PIK3R4: variants seen among roughly 807,000 people sequenced by gnomAD.
PIK3R4 encodes phosphoinositide 3-kinase regulatory subunit 4.
PIK3R4 carries 46 observed loss-of-function variants against 136.5 expected under a neutral mutation model. That is an observed-to-expected ratio of 0.34 (90% CI 0.27 to 0.43). The LOEUF (loss-of-function observed/expected upper bound fraction) is 0.43. PIK3R4 is among the 20% of genes least tolerant of loss of function. The pLI is 1.00. For synonymous variants in PIK3R4, 557 were observed against 566.7 expected (o/e 0.98, Z 0.24); for missense variants, 1,331 against 1,649.5 (o/e 0.81, Z 3.35).
In PIK3R4 at chr3:130,716,425, C is replaced by T; in HGVS notation, c.2302G>A (p.Ala768Thr). 3.7e-6 allele frequency: 6 copies of T among 1,614,142 alleles called. No homozygotes were observed. Among genetic ancestry groups the T allele is most frequent in the Non-Finnish European group, 5.1e-6 (6 of 1,179,996 alleles). Residue 768 changes from alanine to threonine, a missense_variant, in exon 9 of 20, where the codon GCA (alanine) becomes ACA (threonine). Coordinates refer to ENST00000356763, the MANE Select transcript of PIK3R4 (RefSeq NM_014602.3). Reference sequence around the variant, plus strand: ...GAGAGCAACTTCTTCAGAAGCTGTGCTATGGCAGGATCCTCTGGCGGAGGG... The same window carrying T: ...GAGAGCAACTTCTTCAGAAGCTGTGTTATGGCAGGATCCTCTGGCGGAGGG... ...DCPPPEDPAIAQLLKKLLSQG... is the reference protein window; with the variant it reads ...DCPPPEDPAITQLLKKLLSQG...
chr3:130,742,236 G>A (rs944520832), intron 2 of PIK3R4, among the ~76,000 whole-genome samples: 2 of 152,172 alleles, frequency 1.3e-5, no homozygotes, highest in African/African-American at 4.8e-5. Flanking sequence ...GAACGGAAGG[G>A]CCTACCTTCA....
intron 7 of PIK3R4, among the ~76,000 whole-genome samples, chr3:130,722,470 T>C (rs1202240762): frequency 6.6e-6 from 1 of 152,186 alleles, no homozygotes; most frequent in East Asian, 1.9e-4. Context: ...TGCTTTAAAA[T>C]TGATGGGCAT....
At chr3:130,704,032 G>C (rs2066593925) in intron 12 of PIK3R4, 144 bp from the exon 13 acceptor site, 2 of 599,012 alleles carry the variant, frequency 3.3e-6, no homozygotes, top group Non-Finnish European at 5.9e-6. Context: ...TGCCAATAAA[G>C]AGTGGTCTAC....
chr3:130,703,126 T>A (rs1230573799), intron 13 of PIK3R4, among the ~76,000 whole-genome samples: 1 of 152,150 alleles, frequency 6.6e-6, no homozygotes, highest in Non-Finnish European at 1.5e-5. Context: ...ATGACATCTC[T>A]CCTCTACTCG....
chr3:130,716,444 C>A lies in PIK3R4; in HGVS notation c.2283G>T (p.Pro761=). Residue 761 remains proline, a synonymous_variant, in exon 9 of 20, where the codon CCG becomes CCT. Coordinates refer to ENST00000356763, the MANE Select transcript of PIK3R4 (RefSeq NM_014602.3). ...GCTGTGCTATGGCAGGATCCTCTGG[C>A]GGAGGGCAGTCGGGAAGAGAACCAT... ...KRNGSLPDCP[P]PEDPAIAQLL... The A allele has an allele frequency of 6.2e-7, 1 of 1,614,136 alleles. No individual in the cohort carries two copies. Among genetic ancestry groups the A allele is most frequent in the Non-Finnish European group, 8.5e-7 (1 of 1,180,008 alleles).
rs79288154 is a variant in PIK3R4, at chr3:130,720,568, A to G, written c.1982-2034T>C. ...AGTTTTTAAAAGGAGTAACAAAGAA[A>G]TCATAATCACCATCAAAACCACCAC... On this transcript the variant is annotated intron_variant, in intron 7 of 19. Coordinates refer to ENST00000356763, the MANE Select transcript of PIK3R4 (RefSeq NM_014602.3). Among the ~76,000 whole-genome samples, 266 of 152,342 alleles carry G rather than the reference A, an allele frequency of 1.7e-3. 2 individuals carry two copies. Among genetic ancestry groups the G allele is most frequent in the African/African-American group, 6.1e-3 (252 of 41,576 alleles).
chr3:130,680,733 GAAAT>G lies in PIK3R4; in HGVS notation c.3798-16_3798-13del, dbSNP rs758689495. 2.3e-5 allele frequency: 34 copies of G among 1,491,574 alleles called. No individual in the cohort carries two copies. The East Asian group carries it at 7.5e-4, about 33-fold the overall frequency. 92.4% of individuals were successfully genotyped at this position (1,491,574 alleles called of 1,614,324 possible). A position where few individuals can be genotyped will look rare whatever the true frequency, so the allele number is the denominator to read the frequency against. On this transcript the variant is annotated splice_polypyrimidine_tract_variant and intron_variant, in intron 18 of 19. Coordinates refer to ENST00000356763, the MANE Select transcript of PIK3R4 (RefSeq NM_014602.3). Reference sequence around the variant, plus strand: ...CCAAGTCCCAAAACCTAGGAAAGAGGAAATAAATGATGACAATCTCTTCAGGACA... The same window carrying G: ...CCAAGTCCCAAAACCTAGGAAAGAGGAAATGATGACAATCTCTTCAGGACA...
At chr3:130,733,080 C>A (rs1307522226) in intron 4 of PIK3R4, among the ~76,000 whole-genome samples, 2 of 152,086 alleles carry the variant, frequency 1.3e-5, no homozygotes, top group Non-Finnish European at 2.9e-5. Context: ...CTAAACAGTA[C>A]AGTAACTGGG....
rs767588926 is a variant in PIK3R4, at chr3:130,745,243, T to C, written c.-25A>G. On this transcript the variant is annotated 5_prime_UTR_variant, in exon 2 of 20. Coordinates refer to ENST00000356763, the MANE Select transcript of PIK3R4 (RefSeq NM_014602.3). ...TAATGGCAAGCACCTCTGTGGTCTT[T>C]AGTAAGGTTAGGATATAATACCTGT... 2.6e-6 allele frequency: 4 copies of C among 1,562,696 alleles called. No individual in the cohort carries two copies. Among genetic ancestry groups the C allele is most frequent in the South Asian group, 1.2e-5 (1 of 84,830 alleles).
intron 13 of PIK3R4, among the ~76,000 whole-genome samples, chr3:130,701,891 G>A (rs1312007790): frequency 6.6e-6 from 1 of 151,982 alleles, no homozygotes; most frequent in Non-Finnish European, 1.5e-5. Context: ...AGCATTTTGG[G>A]AGACTTGAGA....
rs372066293 is a variant in PIK3R4, at chr3:130,711,006, T to C, written c.2332-2514A>G. ...AGAACCAAGGATAGCCAAGAATATCTTGAAAAGGAAAGAAAAAAAAAAAAA... is the reference window on the plus strand; with the variant it reads ...AGAACCAAGGATAGCCAAGAATATCCTGAAAAGGAAAGAAAAAAAAAAAAA... On this transcript the variant is annotated intron_variant, in intron 9 of 19. Transcript: ENST00000356763. Among the ~76,000 whole-genome samples the C allele has an allele frequency of 2.1e-4, 30 of 144,714 alleles. No homozygotes were observed. In the East Asian group the frequency reaches 5.7e-3, roughly 27 times the overall value. 94.9% of individuals were successfully genotyped at this position (144,714 alleles called of 152,430 possible).
intron 6 of PIK3R4, 111 bp from the exon 7 acceptor site, chr3:130,723,698 GA>G: frequency 1.2e-6 from 1 of 842,790 alleles, no homozygotes; most frequent in Non-Finnish European, 1.8e-6. Context: ...AATTACCTAG[GA>G]AAGAACATTG....
rs2066452060 is a variant in PIK3R4 at position 130,680,639 on chromosome 3, T to C, written c.3880A>G (p.Ile1294Val). The C allele has an allele frequency of 1.2e-6, 2 of 1,609,532 alleles. 1 individual carries two copies. The highest frequency in any genetic ancestry group is 3.3e-4 in the Middle Eastern group (2 of 6,048). The change falls in exon 19 of 20, where the codon ATA (isoleucine) becomes GTA (valine). Residue 1294 changes from isoleucine (I) to valine (V), a missense_variant. Physicochemically the swap from Ile to Val is conservative, Grantham distance 29. Around this residue, in one of 2 missense-constraint regions of PIK3R4, gnomAD observed 1,180 missense variants for 1,407.0 expected, o/e 0.84. Coordinates refer to ENST00000356763, the MANE Select transcript of PIK3R4 (RefSeq NM_014602.3). ...SSPSVSYYRK[I>V]IEGTEVVQEI... Reference sequence around the variant, plus strand: ...TGGACAACTTCAGTGCCTTCAATTATTTTCCTGTAGTAGGACACAGATGGG... The same window carrying C: ...TGGACAACTTCAGTGCCTTCAATTACTTTCCTGTAGTAGGACACAGATGGG...
chr3:130,723,375 C>A (rs769232791), intron 7 of PIK3R4, 39 bp downstream of exon 7: 1 of 1,537,976 alleles, frequency 6.5e-7, no homozygotes, highest in Non-Finnish European at 8.8e-7. Context: ...TTATAAAGTT[C>A]TTCCAATCTC....
intron 2 of PIK3R4, among the ~76,000 whole-genome samples, chr3:130,743,755 T>C (rs2066837429): frequency 1.3e-5 from 2 of 152,220 alleles, no homozygotes; most frequent in Admixed American, 6.5e-5. Flanking sequence ...ACCTGGACTG[T>C]GGCAGTTTTC....
At chr3:130,695,913 C>T (rs1467476028) in intron 13 of PIK3R4, among the ~76,000 whole-genome samples, 1 of 152,106 alleles carries the variant, frequency 6.6e-6, no homozygotes, top group Non-Finnish European at 1.5e-5. Flanking sequence ...AAAGCTATCT[C>T]AGCCAGGGCT....
chr3:130,731,892 C>T (rs1426551638), intron 4 of PIK3R4, among the ~76,000 whole-genome samples: 4 of 152,294 alleles, frequency 2.6e-5, no homozygotes, highest in East Asian at 3.9e-4. Context: ...TGGAAGGCTA[C>T]GTTTGGAGGA....
chr3:130,702,899 A>T (rs1236640180), intron 13 of PIK3R4, among the ~76,000 whole-genome samples: 1 of 152,120 alleles, frequency 6.6e-6, no homozygotes, highest in East Asian at 1.9e-4. Context: ...CCATTCTATA[A>T]TTTTTTTACT....
chr3:130,714,735 G>A (rs575280301), intron 9 of PIK3R4, among the ~76,000 whole-genome samples: 244 of 152,172 alleles, frequency 1.6e-3, no homozygotes, highest in African/African-American at 5.6e-3. Context: ...TGCTGAGGAT[G>A]ATGGCTTCCA....
Sources: gnomAD v4.1 joint callset for allele counts (sites outside exome capture counted in the v4.1 genomes callset) on GRCh38, gnomAD v4.1.1 for gene constraint, gnomAD v4.1.1 regional missense constraint, MANE v1.5 for transcripts, NCBI Gene and HGNC (gene_info 2026-07-23, HGNC 2026-07-21) for gene names.